Variants in PTPRN2 observed in about 807,000 individuals in gnomAD.
PTPRN2 encodes the protein receptor-type tyrosine-protein phosphatase N2.
A neutral mutation model predicts 118.8 loss-of-function variants in PTPRN2; 74 were observed. The observed-to-expected ratio is 0.62, with a 90% confidence interval of 0.52 to 0.76. PTPRN2 has a LOEUF of 0.76. PTPRN2 is among the 30% of genes least tolerant of loss of function. The pLI is 0.00. For missense variants in PTPRN2, 1,481 were observed against 1,394.4 expected (o/e 1.06, Z -0.99); for synonymous variants, 641 against 608.0 (o/e 1.05, Z -0.80).
chr7:158,355,039 A>T (rs375791191), intron 2 of PTPRN2, among the ~76,000 whole-genome samples: 1 of 130,194 alleles, frequency 7.7e-6, no homozygotes, highest in South Asian at 2.5e-4. Flanking sequence ...AAAAAAAAAA[A>T]ATCTGTCACC....
Position 157,540,096 on chromosome 7 carries a change from C to T in PTPRN2, c.*618G>A, listed in dbSNP as rs554835619. 2.0e-5 allele frequency: 3 copies of T among 152,448 alleles called. No homozygotes were observed. The East Asian group carries it at 5.8e-4, about 29-fold the overall frequency. The allele number at this position is 152,448 out of a possible 1,614,324, so 9.4% of individuals were successfully genotyped here. ...CTGCCCCCGGGGAGCCCCTGAATCACTCTGCTTGGGCTGACAGGTGTGGCT... is the reference window on the plus strand; with the variant it reads ...CTGCCCCCGGGGAGCCCCTGAATCATTCTGCTTGGGCTGACAGGTGTGGCT... On this transcript the variant is annotated 3_prime_UTR_variant, in exon 23 of 23. Coordinates refer to ENST00000389418, the MANE Select transcript of PTPRN2 (RefSeq NM_002847.5).
At chr7:158,462,388 C>T (rs1444991451) in intron 2 of PTPRN2, among the ~76,000 whole-genome samples, 1 of 152,184 alleles carries the variant, frequency 6.6e-6, no homozygotes, top group Non-Finnish European at 1.5e-5. Context: ...GTGCTGGCAT[C>T]ATCTATACCA....
rs1183123198 is a variant in PTPRN2 at position 157,682,743 on chromosome 7, A to G, written c.1983T>C (p.Asp661=). 6.2e-7 allele frequency: 1 copy of G among 1,613,882 alleles called. No individual in the cohort carries two copies. Among genetic ancestry groups the G allele is most frequent in the Admixed American group, 1.7e-5 (1 of 60,028 alleles). The change falls in exon 13 of 23, where the codon GAT becomes GAC. Residue 661 remains aspartate, a synonymous_variant. Transcript: ENST00000389418. ...CTCTTACCTGGTAGGCGGCAGTGGCATCTGCACCTGGGTCGCCCCCTAGTC... is the reference window on the plus strand; with the variant it reads ...CTCTTACCTGGTAGGCGGCAGTGGCGTCTGCACCTGGGTCGCCCCCTAGTC... ...LSGLGGDPGA[D]ATAAYQELCR... is the part of the protein sequence containing the mutation.
chr7:158,327,394 T>C (rs910275706), intron 2 of PTPRN2, among the ~76,000 whole-genome samples: 24 of 148,828 alleles, frequency 1.6e-4, no homozygotes, highest in African/African-American at 2.5e-5. Context: ...TGCACACACA[T>C]GCTCACACAT....
At chr7:158,112,979 C>G (rs914339544) in intron 9 of PTPRN2, among the ~76,000 whole-genome samples, 2 of 152,060 alleles carry the variant, frequency 1.3e-5, no homozygotes, top group African/African-American at 2.4e-5. Flanking sequence ...TAAGACGGAG[C>G]CTTGCCCCCC....
chr7:158,079,121 G>A (rs1156943324), intron 11 of PTPRN2, among the ~76,000 whole-genome samples: 1 of 152,196 alleles, frequency 6.6e-6, no homozygotes, highest in Admixed American at 6.5e-5. Flanking sequence ...GGGTTTACAG[G>A]TGTGAGCCAC....
chr7:157,833,042 T>G (rs1203596991), intron 12 of PTPRN2, among the ~76,000 whole-genome samples: 1 of 151,730 alleles, frequency 6.6e-6, no homozygotes, highest in Non-Finnish European at 1.5e-5. Flanking sequence ...TGTATGATGG[T>G]AAACTCGTCC....
chr7:157,698,605 T>G (rs1797923469), intron 12 of PTPRN2, among the ~76,000 whole-genome samples: 1 of 152,248 alleles, frequency 6.6e-6, no homozygotes, highest in South Asian at 2.1e-4. Context: ...ATTATTACTA[T>G]TATTAGTTTT....
chr7:158,503,948 C>A (rs967405317), intron 1 of PTPRN2, among the ~76,000 whole-genome samples: 2 of 151,374 alleles, frequency 1.3e-5, no homozygotes, highest in African/African-American at 2.4e-5. Context: ...TTGCAGTGAG[C>A]CACACTCCAG....
chr7:158,261,114 C>T (rs1045703143), intron 3 of PTPRN2, among the ~76,000 whole-genome samples: 4 of 152,140 alleles, frequency 2.6e-5, no homozygotes, highest in African/African-American at 9.7e-5. Context: ...TCTGTGTCAG[C>T]GTCAGCAACA....
chr7:157,651,013 G>A (rs1805618826), intron 14 of PTPRN2, among the ~76,000 whole-genome samples: 1 of 152,246 alleles, frequency 6.6e-6, no homozygotes, highest in South Asian at 2.1e-4. Flanking sequence ...GTGGGTCTGA[G>A]GAGGTCACAG....
At chr7:157,875,064 C>G (rs1048710447) in intron 12 of PTPRN2, among the ~76,000 whole-genome samples, 1 of 152,206 alleles carries the variant, frequency 6.6e-6, no homozygotes, top group Non-Finnish European at 1.5e-5. Context: ...GACACACACA[C>G]ACACACGCTC....
intron 6 of PTPRN2, among the ~76,000 whole-genome samples, chr7:158,166,724 A>G (rs551551441): frequency 8.5e-5 from 13 of 152,174 alleles, no homozygotes; most frequent in African/African-American, 3.1e-4. Flanking sequence ...CCAGGACGTG[A>G]AATGACCACA....
In PTPRN2 at chr7:157,808,465, C is replaced by T. The variant is rs975762014; in HGVS notation, c.1788+90208G>A. Among the ~76,000 whole-genome samples, 2 of 152,084 alleles carry T rather than the reference C, an allele frequency of 1.3e-5. No homozygotes were observed. Among genetic ancestry groups the T allele is most frequent in the Non-Finnish European group, 2.9e-5 (2 of 68,010 alleles). On this transcript the variant is annotated intron_variant, in intron 12 of 22. Transcript: ENST00000389418. The surrounding 1 kb of genome is among the most constrained non-coding windows in gnomAD (Gnocchi z 5.0). ...ATCAGATTCTCATAGGAGCTTGAGC[C>T]CTGTTGTGAACTGTGCATGTGAGGG... is the stretch of plus-strand genomic sequence containing the variant.
At chr7:158,293,973 CT>C (rs1330250187) in intron 3 of PTPRN2, among the ~76,000 whole-genome samples, 2 of 152,222 alleles carry the variant, frequency 1.3e-5, no homozygotes, top group Non-Finnish European at 2.9e-5. Flanking sequence ...GTTAGTTTTG[CT>C]TTTTAATAAG....
chr7:158,094,892 G>A (rs73748048), intron 10 of PTPRN2, among the ~76,000 whole-genome samples: 3,066 of 152,176 alleles, frequency 0.02, 105 homozygotes, highest in African/African-American at 0.069. Context: ...GCTCACTCTG[G>A]TTTTGTTTCT....
Position 158,565,452 on chromosome 7 carries a change from C to A in PTPRN2, c.112+22106G>T, listed in dbSNP as rs898504410. On this transcript the variant is annotated intron_variant, in intron 1 of 22. Transcript: ENST00000389418. This position sits in a 1 kb window ranked among gnomAD's most constrained non-coding sequence, Gnocchi z 4.6. ...CAGGTGCCACAGGCCATCTGGACAC[C>A]ACCTCTGCTGAGCACAAAGGTGGAC... is the stretch of plus-strand genomic sequence containing the variant. Among the ~76,000 whole-genome samples the A allele has an allele frequency of 7.9e-5, 12 of 152,180 alleles. No homozygotes were observed. The highest frequency in any genetic ancestry group is 2.7e-4 in the African/African-American group (11 of 41,440).
At chr7:157,604,097 G>C in intron 15 of PTPRN2, 22 bp from the exon 16 acceptor site, 1 of 1,612,072 alleles carries the variant, frequency 6.2e-7, no homozygotes. Flanking sequence ...CAGTGCAGGG[G>C]TCAGAGGAAC....
At chr7:157,689,888 G>A (rs1653190058) in intron 12 of PTPRN2, among the ~76,000 whole-genome samples, 1 of 152,196 alleles carries the variant, frequency 6.6e-6, no homozygotes, top group African/African-American at 2.4e-5. Flanking sequence ...GCTCGGAGGC[G>A]CGCTCCCGGA....
Sources: allele counts gnomAD v4.1 joint callset (sites outside exome capture counted in the v4.1 genomes callset), GRCh38; gene constraint gnomAD v4.1.1; non-coding constraint Gnocchi (gnomAD v3.1); transcripts MANE v1.5; gene names NCBI Gene and HGNC (gene_info 2026-07-23, HGNC 2026-07-21).